The following SZT2 variants were observed in gnomAD, a reference collection of about 807,000 sequenced individuals.
The protein encoded by SZT2 is SZT2 subunit of KICSTOR complex.
A neutral mutation model predicts 404.2 loss-of-function variants in SZT2; 216 were observed. That is an observed-to-expected ratio of 0.53 (90% CI 0.48 to 0.60). SZT2 has a LOEUF of 0.60. Ranked by LOEUF, SZT2 falls within the 20% of genes least tolerant of loss-of-function variation. SZT2 has a pLI of 0.00. For synonymous variants in SZT2, 1,693 were observed against 1,749.9 expected, an observed-to-expected ratio of 0.97 and a Z score of 0.81; for missense variants, 3,857 against 4,459.2, an observed-to-expected ratio of 0.86 and a Z score of 3.85.
chr1:43,415,370 G>A (rs1413532519), intron 5 of SZT2, among the ~76,000 whole-genome samples, 157 bp downstream of exon 5: 1 of 152,184 alleles, frequency 6.6e-6, no homozygotes, highest in Non-Finnish European at 1.5e-5. Flanking sequence ...CTCCCTGTTG[G>A]AGCAGGACTC....
intron 1 of SZT2, among the ~76,000 whole-genome samples, chr1:43,391,908 T>G (rs1311618519): frequency 2.8e-5 from 2 of 72,552 alleles, no homozygotes; most frequent in East Asian, 3.0e-4. Context: ...GGTGAAACCC[T>G]GTCTCTACTA....
At chr1:43,411,323 G>C (rs56239430) in intron 4 of SZT2, among the ~76,000 whole-genome samples, 30,575 of 152,188 alleles carry the variant, frequency 0.2, 3,352 homozygotes, top group East Asian at 0.4. Context: ...CAGGCCAGAG[G>C]GGGCAGCTGG....
chr1:43,424,465 G>A lies in SZT2; in HGVS notation c.2471+33G>A, dbSNP rs41307834. 12 of 1,591,122 alleles carry A rather than the reference G, an allele frequency of 7.5e-6. No homozygotes were observed. Among genetic ancestry groups the A allele is most frequent in the East Asian group, 6.7e-5 (3 of 44,820 alleles). On this transcript the variant is annotated intron_variant, in intron 16 of 71. Transcript: ENST00000634258. This position sits in a 1 kb window ranked among gnomAD's most constrained non-coding sequence, Gnocchi z 4.1. ...ATCCAAGCCTGCCAGGTCACTCGGG[G>A]CAAGGAGAGAGCAAGTGTAGACTGG...
rs137956992 is a variant in SZT2 at position 43,427,101 on chromosome 1, C to G, written c.3355C>G (p.Pro1119Ala). The change falls in exon 24 of 72, where the codon CCC becomes GCC. Residue 1119 changes from proline (P) to alanine (A), a missense_variant. This residue lies in a region of SZT2 where 1,725 missense variants were observed against 1,881.0 expected (regional missense o/e 0.92). Coordinates refer to ENST00000634258, the MANE Select transcript of SZT2 (RefSeq NM_001365999.1). The part of the protein sequence containing the change: ...ETLKPLISAQ[P>A]PQWRCYARLV... ...TCTCAAGCCTCTCATCTCTGCCCAG[C>G]CCCCTCAGTGGCGCTGCTATGCAAG... 505 of 1,614,228 alleles carry G rather than the reference C, an allele frequency of 3.1e-4. 4 individuals are homozygous for G. In the South Asian group the frequency reaches 4.7e-3, roughly 15 times the overall value.
chr1:43,425,018 T>G lies in SZT2; in HGVS notation c.2551-95T>G. 1 of 1,558,894 alleles carries G rather than the reference T, an allele frequency of 6.4e-7. No individual in the cohort carries two copies. Among genetic ancestry groups the G allele is most frequent in the Non-Finnish European group, 8.8e-7 (1 of 1,131,946 alleles). On this transcript the variant is annotated intron_variant, in intron 17 of 71. Transcript: ENST00000634258. The surrounding 1 kb of genome is among the most constrained non-coding windows in gnomAD (Gnocchi z 4.3). ...CTGAGGCTGCAGTCATAGGACAATT[T>G]GGTGAGGGAACTGAAATTCTGAGGG...
rs1169114279 is a variant in SZT2, at chr1:43,447,947, G to A, written c.9539G>A (p.Gly3180Glu). ...CHCAAPFEEQ[G>E]EAERHVLRLQ... ...TGTGCTGCACCCTTTGAGGAGCAAG[G>A]AGAGGCTGAGCGGCACGTTCTGCGG... The change falls in exon 68 of 72, where the codon GGA becomes GAA. Residue 3180 changes from glycine (G) to glutamate (E), a missense_variant. By Grantham distance (98) the Gly-to-Glu change is moderately conservative (BLOSUM62 -2). Transcript: ENST00000634258. 3 of 1,614,036 alleles carry A rather than the reference G, an allele frequency of 1.9e-6. No homozygotes were observed. Among genetic ancestry groups the A allele is most frequent in the Non-Finnish European group, 2.5e-6 (3 of 1,180,016 alleles).
chr1:43,443,906 CT>C, intron 62 of SZT2, 110 bp downstream of exon 62: 1 of 1,378,380 alleles, frequency 7.3e-7, no homozygotes, highest in Non-Finnish European at 1.0e-6. Flanking sequence ...TGGGCTGGGC[CT>C]GTGCATGTTT....
rs1653186756 is a variant in SZT2, at chr1:43,426,703, C to A, written c.3215-12C>A. On this transcript the variant is annotated splice_polypyrimidine_tract_variant and intron_variant, in intron 22 of 71. Transcript: ENST00000634258. This position sits in a 1 kb window ranked among gnomAD's most constrained non-coding sequence, Gnocchi z 4.9. ...CCCTGCCCTCTTTCACCCATCTCTA[C>A]CCCCATTGTAGGTGCCGAGGGGCCA... 1 of 1,598,548 alleles carries A rather than the reference C, an allele frequency of 6.3e-7. No individual in the cohort carries two copies. Among genetic ancestry groups the A allele is most frequent in the Non-Finnish European group, 8.5e-7 (1 of 1,171,904 alleles).
chr1:43,446,878 C>T, intron 65 of SZT2, 77 bp from the exon 66 acceptor site: 11 of 1,462,168 alleles, frequency 7.5e-6, no homozygotes, highest in Non-Finnish European at 1.0e-5. Flanking sequence ...TGCTTCTTCC[C>T]ACGGAAGGAG....
Position 43,453,774 on chromosome 1 carries a change from G to A in SZT2, c.*3294G>A. ...GGGGAATAGCCAGGACAGATTGGCG[G>A]AGAAGCGCAGCGGCGCCATGCCTGG... is the stretch of plus-strand genomic sequence containing the variant. On this transcript the variant is annotated 3_prime_UTR_variant, in exon 72 of 72. Transcript: ENST00000634258. The A allele has an allele frequency of 1.5e-6, 2 of 1,293,220 alleles. No homozygotes were observed. Among genetic ancestry groups the A allele is most frequent in the Non-Finnish European group, 2.0e-6 (2 of 1,023,922 alleles). 80.1% of individuals were successfully genotyped at this position (1,293,220 alleles called of 1,614,324 possible).
intron 4 of SZT2, among the ~76,000 whole-genome samples, chr1:43,414,707 T>C (rs1651491213): frequency 6.6e-6 from 1 of 152,118 alleles, no homozygotes; most frequent in Non-Finnish European, 1.5e-5. Context: ...CATTAAAAAG[T>C]ATGAGAATAA....
chr1:43,447,751 C>T lies in SZT2; in HGVS notation c.9440+53C>T, dbSNP rs144511717. 104 of 1,610,444 alleles carry T rather than the reference C, an allele frequency of 6.5e-5. No homozygotes were observed. The East Asian group carries it at 2.3e-3, about 35-fold the overall frequency. ...CACGCTGCAGGAGCTGGGGTTGGGA[C>T]ATACTTGCAGTAGGGAGACCAATGT... On this transcript the variant is annotated intron_variant, in intron 67 of 71. Coordinates refer to ENST00000634258, the MANE Select transcript of SZT2 (RefSeq NM_001365999.1).
Position 43,454,070 on chromosome 1 carries a change from C to T in SZT2, c.*3590C>T. 8.9e-7 allele frequency: 1 copy of T among 1,123,922 alleles called. No homozygotes were observed. Among genetic ancestry groups the T allele is most frequent in the Non-Finnish European group, 1.1e-6 (1 of 919,794 alleles). 69.6% of individuals were successfully genotyped at this position (1,123,922 alleles called of 1,614,324 possible). On this transcript the variant is annotated 3_prime_UTR_variant, in exon 72 of 72. Coordinates refer to ENST00000634258, the MANE Select transcript of SZT2 (RefSeq NM_001365999.1). ...CTGGAGAAGGTAGGGAGGCCGAGCT[C>T]CAGGGCCTGAGAGCCGGACGCGAAG... is the stretch of plus-strand genomic sequence containing the variant.
rs780805483 is a variant in SZT2, at chr1:43,435,233, G to A, written c.5938G>A (p.Val1980Met). Residue 1980 changes from valine to methionine, a missense_variant, in exon 42 of 72, where the codon GTG becomes ATG. Transcript: ENST00000634258. ...LLLQDLHDSH[V>M]CNSLLVAESE... ...TCTTCAAGACCTTCATGACAGCCAC[G>A]TGTGTAACTCTCTTCTGGTGGCCGA... 8 of 1,614,212 alleles carry A rather than the reference G, an allele frequency of 5.0e-6. No homozygotes were observed. Among genetic ancestry groups the A allele is most frequent in the Non-Finnish European group, 5.9e-6 (7 of 1,180,026 alleles).
In SZT2 at chr1:43,425,836, T is replaced by C. The variant is rs938061966; in HGVS notation, c.2816T>C (p.Leu939Pro). ...TGACCTCTGATGTTCTTCCTGTAGCTCCACCCACGGGATGCTGCCTGCATA... is the reference window on the plus strand; with the variant it reads ...TGACCTCTGATGTTCTTCCTGTAGCCCCACCCACGGGATGCTGCCTGCATA... ...DLTYSEIPQALHPRDAACIGS... is the reference protein window; with the variant it reads ...DLTYSEIPQAPHPRDAACIGS... Residue 939 changes from leucine (L) to proline (P), a missense_variant and splice_region_variant, in exon 20 of 72, where the codon CTC (leucine) becomes CCC (proline). Leu to Pro is a moderately conservative substitution (Grantham distance 98, BLOSUM62 -3). Around this residue, in one of 7 missense-constraint regions of SZT2, gnomAD observed 1,725 missense variants for 1,881.0 expected, o/e 0.92. Transcript: ENST00000634258. This position sits in a 1 kb window ranked among gnomAD's most constrained non-coding sequence, Gnocchi z 4.3. 1 of 1,613,702 alleles carries C rather than the reference T, an allele frequency of 6.2e-7. No homozygotes were observed. Among genetic ancestry groups the C allele is most frequent in the African/African-American group, 1.3e-5 (1 of 74,898 alleles).
chr1:43,453,188 G>T lies in SZT2; in HGVS notation c.*2708G>T, dbSNP rs1260722056. ...CCAGCATGGGATCCCAGCATGGGGT[G>T]AGCATGAAAGAGTGGCAAACAGAGT... On this transcript the variant is annotated 3_prime_UTR_variant, in exon 72 of 72. Transcript: ENST00000634258. 3 of 640,236 alleles carry T rather than the reference G, an allele frequency of 4.7e-6. No individual in the cohort carries two copies. Among genetic ancestry groups the T allele is most frequent in the Non-Finnish European group, 8.3e-6 (3 of 360,166 alleles). The allele number at this position is 640,236 out of a possible 1,614,324, so 39.7% of individuals were successfully genotyped here. A position where few individuals can be genotyped will look rare whatever the true frequency, so the allele number is the denominator to read the frequency against.
chr1:43,417,313 A>C (rs755223750), intron 7 of SZT2, among the ~76,000 whole-genome samples: 1 of 152,152 alleles, frequency 6.6e-6, no homozygotes, highest in Non-Finnish European at 1.5e-5. Flanking sequence ...AGTCAACCTG[A>C]CTTCATGATT....
Position 43,443,541 on chromosome 1 carries a change from T to G in SZT2, c.8626-56T>G, listed in dbSNP as rs758848414. 6.1e-4 allele frequency: 990 copies of G among 1,613,322 alleles called. 5 individuals carry two copies. Among genetic ancestry groups the G allele is most frequent in the Non-Finnish European group, 1.6e-4 (190 of 1,179,652 alleles). On this transcript the variant is annotated intron_variant, in intron 61 of 71. Transcript: ENST00000634258. ...ACCCCACAGTGACCCCCCTCCTCCA[T>G]CCCCAGCAGGATGGTTGACAGTGGG...
Position 43,403,604 on chromosome 1 carries a change from C to G in SZT2, c.157C>G (p.Gln53Glu). The G allele has an allele frequency of 1.2e-6, 2 of 1,609,526 alleles. No homozygotes were observed. The highest frequency in any genetic ancestry group is 1.7e-6 in the Non-Finnish European group (2 of 1,176,194). ...TTCTTTCCATCCTAATTTTCAGCTT[C>G]AGTCTGAACAGGAATTGGAAGTCCT... ...VQATPQEMLL[Q>E]SEQELEVLSV... The change falls in exon 3 of 72, where the codon CAG becomes GAG. Residue 53 changes from glutamine (Q) to glutamate (E), a missense_variant. Physicochemically the swap from Gln to Glu is conservative, Grantham distance 29. This residue lies in a region of SZT2 where 536 missense variants were observed against 637.4 expected (regional missense o/e 0.84). Transcript: ENST00000634258.
Sources: allele counts gnomAD v4.1 joint callset (sites outside exome capture counted in the v4.1 genomes callset), GRCh38; gene constraint gnomAD v4.1.1; regional missense constraint gnomAD v4.1.1; non-coding constraint Gnocchi (gnomAD v3.1); transcripts MANE v1.5; gene names NCBI Gene and HGNC (gene_info 2026-07-23, HGNC 2026-07-21).